NDST4: variants seen among roughly 807,000 people sequenced by gnomAD.
NDST4 encodes the protein N-heparan sulfate sulfotransferase 4.
A neutral mutation model predicts 100.8 loss-of-function variants in NDST4; 63 were observed. The ratio of observed to expected loss-of-function variants is 0.62; its 90% CI spans 0.51 to 0.77. The LOEUF is 0.77. Among genes scored for constraint, NDST4 ranks in the 30% least tolerant of loss-of-function variants. The probability of loss-of-function intolerance (pLI) is 0.00; values close to 1 mark genes in which losing one functional copy is unlikely to be tolerated. For synonymous variants in NDST4, 377 were observed against 361.8 expected (o/e 1.04, Z -0.48); for missense variants, 943 against 1,018.4 (o/e 0.93, Z 1.01).
chr4:115,047,011 T>C (rs1159177400), intron 2 of NDST4, among the ~76,000 whole-genome samples: 2 of 152,130 alleles, frequency 1.3e-5, no homozygotes, highest in Non-Finnish European at 2.9e-5. Flanking sequence ...TTAATGATGT[T>C]CATTCTTTAC....
At chr4:114,957,714 T>A (rs927633034) in intron 4 of NDST4, among the ~76,000 whole-genome samples, 2 of 152,204 alleles carry the variant, frequency 1.3e-5, no homozygotes, top group African/African-American at 4.8e-5. Flanking sequence ...TATTTACTTC[T>A]TAGATACAAT....
chr4:114,897,258 C>T (rs113016717), intron 6 of NDST4, among the ~76,000 whole-genome samples: 17 of 152,258 alleles, frequency 1.1e-4, no homozygotes, highest in African/African-American at 3.6e-4. Flanking sequence ...CCTCTAACCC[C>T]TGGCAGGCAT....
At chr4:114,905,446 T>C (rs1724928023) in intron 6 of NDST4, among the ~76,000 whole-genome samples, 2 of 151,846 alleles carry the variant, frequency 1.3e-5, no homozygotes, top group Non-Finnish European at 2.9e-5. Context: ...TTTTATTTGA[T>C]ATAGAGTAAA....
At chr4:115,043,629 G>T (rs1490729359) in intron 2 of NDST4, among the ~76,000 whole-genome samples, 1 of 152,046 alleles carries the variant, frequency 6.6e-6, no homozygotes, top group African/African-American at 2.4e-5. Context: ...CTGATTGGTT[G>T]ATTCAGAGGG....
intron 1 of NDST4, among the ~76,000 whole-genome samples, chr4:115,108,557 T>C (rs1729878049): frequency 6.6e-6 from 1 of 151,922 alleles, no homozygotes; most frequent in Non-Finnish European, 1.5e-5. Flanking sequence ...AAAAATTATT[T>C]ATATTTATTA....
At chr4:115,062,038 G>A (rs1224589152) in intron 2 of NDST4, among the ~76,000 whole-genome samples, 1 of 151,968 alleles carries the variant, frequency 6.6e-6, no homozygotes, top group Non-Finnish European at 1.5e-5. Context: ...AACAGAAAAG[G>A]AAGGCAAAAT....
intron 6 of NDST4, among the ~76,000 whole-genome samples, chr4:114,928,958 C>G (rs1387103745): frequency 6.6e-6 from 1 of 151,966 alleles, no homozygotes; most frequent in African/African-American, 2.4e-5. Flanking sequence ...TGGGTCTTGA[C>G]AGCCCTCGTA....
chr4:114,839,897 A>C (rs530824680), intron 10 of NDST4, among the ~76,000 whole-genome samples: 1 of 152,304 alleles, frequency 6.6e-6, no homozygotes, highest in African/African-American at 2.4e-5. Context: ...GTAGGATGTG[A>C]GGATTTTCTT....
chr4:114,942,000 T>C (rs1725761271), intron 4 of NDST4, among the ~76,000 whole-genome samples: 1 of 152,206 alleles, frequency 6.6e-6, no homozygotes, highest in Non-Finnish European at 1.5e-5. Flanking sequence ...AAAAATTTGG[T>C]AAAACACTGC....
At position 115,042,267 on chromosome 4, in the gene NDST4, C is replaced by T. The variant is rs935356773; in HGVS notation, c.978+33792G>A. On this transcript the variant is annotated intron_variant, in intron 2 of 13. Transcript: ENST00000264363. ...TATCTATGCTATATACACTACCCGC[C>T]CTTTGGCCATCAATGTCATCAGCTT... 1.1e-4 allele frequency among the ~76,000 whole-genome samples: 16 copies of T among 152,204 alleles called. 1 individual carries two copies. Among genetic ancestry groups the T allele is most frequent in the Admixed American group, 7.9e-4 (12 of 15,256 alleles).
At chr4:114,956,576 C>T (rs1171109412) in intron 4 of NDST4, among the ~76,000 whole-genome samples, 1 of 152,096 alleles carries the variant, frequency 6.6e-6, no homozygotes, top group Non-Finnish European at 1.5e-5. Flanking sequence ...CAAAAGCAAT[C>T]AAGTATACAG....
chr4:114,871,512 A>G (rs955028350), intron 6 of NDST4, among the ~76,000 whole-genome samples: 1 of 152,128 alleles, frequency 6.6e-6, no homozygotes, highest in Non-Finnish European at 1.5e-5. Context: ...TAAAAATATC[A>G]TGGCATTTCA....
At chr4:114,844,581 TTAC>T (rs1443038222) in intron 10 of NDST4, among the ~76,000 whole-genome samples, 1 of 152,240 alleles carries the variant, frequency 6.6e-6, no homozygotes, top group Non-Finnish European at 1.5e-5. Context: ...ATTTATTTTC[TTAC>T]ACAATGCTTT....
intron 6 of NDST4, among the ~76,000 whole-genome samples, chr4:114,890,368 C>T (rs539143841): frequency 6.6e-6 from 1 of 152,058 alleles, no homozygotes; most frequent in African/African-American, 2.4e-5. Context: ...TAAATAATAA[C>T]AGGTGGTCAA....
intron 1 of NDST4, among the ~76,000 whole-genome samples, chr4:115,089,737 A>G (rs567070572): frequency 6.6e-6 from 1 of 152,068 alleles, no homozygotes; most frequent in Admixed American, 6.6e-5. Context: ...AGTTAAATTG[A>G]CGTTCAATGT....
Position 114,968,397 on chromosome 4 carries a change from G to A in NDST4, c.1221+2033C>T, listed in dbSNP as rs78691503. The stretch of plus-strand genomic sequence containing the variant: ...TCCCACTGGGTGAAGATGTGAGAAT[G>A]TGCATCTGAGCATTTTTCAAGGGAA... On this transcript the variant is annotated intron_variant, in intron 4 of 13. Transcript: ENST00000264363. Among the ~76,000 whole-genome samples the A allele has an allele frequency of 5.5e-3, 840 of 152,292 alleles. 10 individuals are homozygous for A. The highest frequency in any genetic ancestry group is 0.019 in the African/African-American group (806 of 41,564).
chr4:114,921,756 A>G (rs1725291451), intron 6 of NDST4, among the ~76,000 whole-genome samples: 1 of 152,192 alleles, frequency 6.6e-6, no homozygotes, highest in Non-Finnish European at 1.5e-5. Context: ...TTGGGTTATT[A>G]GATGATGCAC....
At chr4:114,891,664 T>C (rs935031050) in intron 6 of NDST4, among the ~76,000 whole-genome samples, 4 of 152,126 alleles carry the variant, frequency 2.6e-5, no homozygotes, top group African/African-American at 9.7e-5. Context: ...AACTTCCATC[T>C]TTGTTCTAGA....
chr4:115,045,444 C>T (rs1206591008), intron 2 of NDST4, among the ~76,000 whole-genome samples: 1 of 152,158 alleles, frequency 6.6e-6, no homozygotes, highest in East Asian at 1.9e-4. Context: ...TCTAGAAGAA[C>T]TTATACTTCA....
Sources: allele counts gnomAD v4.1 joint callset (sites outside exome capture counted in the v4.1 genomes callset), GRCh38; gene constraint gnomAD v4.1.1; transcripts MANE v1.5; gene names NCBI Gene and HGNC (gene_info 2026-07-23, HGNC 2026-07-21).